The following TAFA5 variants were observed in gnomAD, a reference collection of about 807,000 sequenced individuals.
TAFA5 encodes the protein chemokine-like protein TAFA-5.
Under a neutral mutation model 15.3 loss-of-function variants are expected in TAFA5, and 6 were observed. That is an observed-to-expected ratio of 0.39 (90% confidence interval 0.21 to 0.77). TAFA5 has a LOEUF of 0.77. Ranked by LOEUF, TAFA5 falls within the 30% of genes least tolerant of loss-of-function variation. TAFA5 has a pLI of 0.41. For synonymous variants in TAFA5, 103 were observed against 80.7 expected, an observed-to-expected ratio of 1.28 and a Z score of -1.48; for missense variants, 161 against 193.1, an observed-to-expected ratio of 0.83 and a Z score of 0.98.
rs1428774077 is a variant in TAFA5, at chr22:48,729,289, TA to T, written c.391-20548del. Among the ~76,000 whole-genome samples, 17 of 84,208 alleles carry T rather than the reference TA, an allele frequency of 2.0e-4. No individual in the cohort carries two copies. In the East Asian group the frequency reaches 3.9e-3, roughly 19 times the overall value. The allele number at this position is 84,208 out of a possible 152,430, so 55.2% of individuals were successfully genotyped here. A position where few individuals can be genotyped will look rare whatever the true frequency, so the allele number is the denominator to read the frequency against. ...TTTATATTTATTTATAAATATATAA[TA>T]ATTTTATATTTATTTATAAATATAT... On this transcript the variant is annotated intron_variant, in intron 3 of 3. Transcript: ENST00000402357.
chr22:48,575,431 C>G lies in TAFA5; in HGVS notation c.113-71166C>G, dbSNP rs906108380. On this transcript the variant is annotated intron_variant, in intron 1 of 3. Coordinates refer to ENST00000402357, the MANE Select transcript of TAFA5 (RefSeq NM_001082967.3). Reference sequence around the variant, plus strand: ...GCCGGAGTCCGAGGCTGCGCGGGCCCGGCCACCTGGGCCGGCAGCGACTGC... The same window carrying G: ...GCCGGAGTCCGAGGCTGCGCGGGCCGGGCCACCTGGGCCGGCAGCGACTGC... Among the ~76,000 whole-genome samples the G allele has an allele frequency of 4.7e-4, 69 of 146,714 alleles. No individual in the cohort carries two copies. The South Asian group carries it at 0.012, about 26-fold the overall frequency.
intron 2 of TAFA5, among the ~76,000 whole-genome samples, chr22:48,705,378 C>A (rs551920855): frequency 1.3e-5 from 2 of 152,208 alleles, no homozygotes; most frequent in African/African-American, 2.4e-5. Flanking sequence ...GCTCCTCCCC[C>A]CTTGTCGGAA....
chr22:48,489,586 G>A lies in TAFA5; in HGVS notation c.-7G>A. Reference sequence around the variant, plus strand: ...CTGCTGCCCCCCGCGCGGGCGCCGCGGCTTCAATGGCGCCATCGCCCAGGA... The same window carrying A: ...CTGCTGCCCCCCGCGCGGGCGCCGCAGCTTCAATGGCGCCATCGCCCAGGA... On this transcript the variant is annotated 5_prime_UTR_variant, in exon 1 of 4. Coordinates refer to ENST00000402357, the MANE Select transcript of TAFA5 (RefSeq NM_001082967.3). This position sits in a 1 kb window ranked among gnomAD's most constrained non-coding sequence, Gnocchi z 5.5. 6 of 1,447,914 alleles carry A rather than the reference G, an allele frequency of 4.1e-6. No homozygotes were observed. The highest frequency in any genetic ancestry group is 1.3e-5 in the South Asian group (1 of 76,330). 89.7% of individuals were successfully genotyped at this position (1,447,914 alleles called of 1,614,324 possible). A position where few individuals can be genotyped will look rare whatever the true frequency, so the allele number is the denominator to read the frequency against.
chr22:48,663,217 AGG>A (rs1044893614), intron 2 of TAFA5, among the ~76,000 whole-genome samples: 2 of 152,222 alleles, frequency 1.3e-5, no homozygotes, highest in Non-Finnish European at 2.9e-5. Flanking sequence ...TGGGAAGGGA[AGG>A]ATATTTCTAA....
intron 1 of TAFA5, among the ~76,000 whole-genome samples, chr22:48,621,771 C>T (rs955803857): frequency 3.9e-5 from 6 of 152,218 alleles, no homozygotes; most frequent in Non-Finnish European, 8.8e-5. Context: ...TGTGACTGGC[C>T]TCTCGAGGTG....
intron 1 of TAFA5, among the ~76,000 whole-genome samples, chr22:48,576,860 G>A (rs1387304678): frequency 1.3e-5 from 2 of 151,880 alleles, no homozygotes. Context: ...CCCAAGCCGA[G>A]GCTGCCGTTC....
At chr22:48,698,861 A>G (rs146584755) in intron 2 of TAFA5, among the ~76,000 whole-genome samples, 92,361 of 150,008 alleles carry the variant, frequency 0.62, 29,229 homozygotes, top group African/African-American at 0.76. Flanking sequence ...AACAAGCTCC[A>G]GCACTAACTG....
intron 1 of TAFA5, among the ~76,000 whole-genome samples, chr22:48,554,828 G>A (rs1046623169): frequency 6.6e-6 from 1 of 152,174 alleles, no homozygotes; most frequent in African/African-American, 2.4e-5. Context: ...CTCTTTCCCC[G>A]AGTGTCAGAG....
At chr22:48,662,079 C>T (rs73175109) in intron 2 of TAFA5, among the ~76,000 whole-genome samples, 7,385 of 150,730 alleles carry the variant, frequency 0.049, 274 homozygotes, top group African/African-American at 0.08. Context: ...GTGGCTGATA[C>T]CTGCAAATCC....
intron 2 of TAFA5, among the ~76,000 whole-genome samples, chr22:48,648,434 C>T (rs913867675): frequency 1.3e-5 from 2 of 152,170 alleles, no homozygotes; most frequent in African/African-American, 2.4e-5. Flanking sequence ...GGGATAGAGC[C>T]TGCTGCTACG....
At chr22:48,687,940 C>T (rs1053135709) in intron 2 of TAFA5, among the ~76,000 whole-genome samples, 3 of 152,160 alleles carry the variant, frequency 2.0e-5, no homozygotes, top group Non-Finnish European at 4.4e-5. Context: ...GCTGCCTCTC[C>T]TGTCTTCTCT....
chr22:48,586,513 C>T (rs1182200141), intron 1 of TAFA5, among the ~76,000 whole-genome samples: 1 of 152,228 alleles, frequency 6.6e-6, no homozygotes, highest in African/African-American at 2.4e-5. Flanking sequence ...CAGATGGCCC[C>T]AGCAGTGACC....
At chr22:48,609,387 T>C (rs1006612503) in intron 1 of TAFA5, among the ~76,000 whole-genome samples, 1 of 152,054 alleles carries the variant, frequency 6.6e-6, no homozygotes, top group African/African-American at 2.4e-5. Context: ...GTCCGTGCAT[T>C]GTCTGTGGTG....
chr22:48,576,291 C>T (rs1443597598), intron 1 of TAFA5: 36 of 1,117,184 alleles, frequency 3.2e-5, no homozygotes, highest in South Asian at 1.3e-4. Context: ...GCCCGCTCCC[C>T]TCCCCCCTGC....
At chr22:48,649,133 C>T (rs1032442935) in intron 2 of TAFA5, among the ~76,000 whole-genome samples, 1 of 152,208 alleles carries the variant, frequency 6.6e-6, no homozygotes, top group African/African-American at 2.4e-5. Context: ...GGGCTCTTGG[C>T]TGAAGGGAGC....
chr22:48,734,641 A>G (rs1391039210), intron 3 of TAFA5, among the ~76,000 whole-genome samples: 2 of 152,256 alleles, frequency 1.3e-5, no homozygotes, highest in Non-Finnish European at 2.9e-5. Context: ...CATGTTTGGC[A>G]AAGTCCCAGC....
chr22:48,561,466 C>T (rs952966825), intron 1 of TAFA5, among the ~76,000 whole-genome samples: 1 of 152,098 alleles, frequency 6.6e-6, no homozygotes, highest in African/African-American at 2.4e-5. Flanking sequence ...TTTCCAGCCT[C>T]GTTTCGTGGA....
intron 1 of TAFA5, among the ~76,000 whole-genome samples, chr22:48,549,744 A>G (rs1318097059): frequency 6.6e-6 from 1 of 152,074 alleles, no homozygotes; most frequent in African/African-American, 2.4e-5. Flanking sequence ...TTCCACACCA[A>G]CTGCTGTGTG....
At chr22:48,745,894 C>A (rs1300324246) in intron 3 of TAFA5, among the ~76,000 whole-genome samples, 1 of 152,214 alleles carries the variant, frequency 6.6e-6, no homozygotes, top group Non-Finnish European at 1.5e-5. Context: ...TCACCACACA[C>A]GCGTCAGAGG....
Sources: gnomAD v4.1 joint callset for allele counts (sites outside exome capture counted in the v4.1 genomes callset) on GRCh38, gnomAD v4.1.1 for gene constraint, Gnocchi (gnomAD v3.1) non-coding constraint, MANE v1.5 for transcripts, NCBI Gene and HGNC (gene_info 2026-07-23, HGNC 2026-07-21) for gene names.